The following GPHN variants were observed in gnomAD, a reference collection of about 807,000 sequenced individuals.
GPHN encodes gephyrin.
A neutral mutation model predicts 95.5 loss-of-function variants in GPHN; 17 were observed. The observed-to-expected ratio is 0.18, with a 90% CI of 0.12 to 0.27. The LOEUF is 0.27. Among genes scored for constraint, GPHN ranks in the 10% least tolerant of loss-of-function variants. The probability of loss-of-function intolerance (pLI) is 1.00; values close to 1 mark genes in which losing one functional copy is unlikely to be tolerated. For synonymous variants in GPHN, 320 were observed against 322.5 expected, an observed-to-expected ratio of 0.99 and a Z score of 0.08; for missense variants, 660 against 978.1, an observed-to-expected ratio of 0.67 and a Z score of 4.34.
At chr14:66,961,945 T>TATATATATAC (rs1555452362) in intron 8 of GPHN, among the ~76,000 whole-genome samples, 22 of 79,088 alleles carry the variant, frequency 2.8e-4, no homozygotes, top group Admixed American at 2.0e-3. Context: ...TATATATATA[T>TATATATATAC]ATACACATAT....
the GPHN span, among the ~76,000 whole-genome samples, chr14:67,451,000 G>T: frequency 1.3e-5 from 2 of 152,208 alleles, no homozygotes; most frequent in South Asian, 4.1e-4. Context: ...CTAGGGACTT[G>T]GTGCCTTATG....
intron 9 of GPHN, among the ~76,000 whole-genome samples, chr14:67,006,924 A>G (rs2072650714): frequency 6.6e-6 from 1 of 152,208 alleles, no homozygotes; most frequent in Non-Finnish European, 1.5e-5. Context: ...TTGTCTTATT[A>G]TACAATTTCA....
chr14:66,509,826 G>A (rs895634795), intron 1 of GPHN, among the ~76,000 whole-genome samples: 4 of 152,042 alleles, frequency 2.6e-5, no homozygotes, highest in Admixed American at 1.3e-4. Flanking sequence ...AATTGAATAA[G>A]ACTTGCTTTT....
chr14:67,200,351 T>C, the GPHN span: 1 of 638,570 alleles, frequency 1.6e-6, no homozygotes, highest in Non-Finnish European at 2.8e-6. Flanking sequence ...TTCCTCCTAT[T>C]ACATCTTCCC....
chr14:67,649,950 T>TC, the GPHN span: 1 of 152,262 alleles, frequency 6.6e-6, no homozygotes, highest in Non-Finnish European at 1.5e-5. Flanking sequence ...CTGGATAGGT[T>TC]CTTCTGGTTT....
chr14:66,815,847 A>G (rs567046111), intron 3 of GPHN, among the ~76,000 whole-genome samples: 1 of 152,338 alleles, frequency 6.6e-6, no homozygotes, highest in African/African-American at 2.4e-5. Flanking sequence ...TGCCCCAATT[A>G]AAAACACAGA....
the GPHN span, among the ~76,000 whole-genome samples, chr14:67,536,552 G>A: frequency 4.0e-5 from 6 of 151,798 alleles, no homozygotes; most frequent in South Asian, 6.2e-4. Context: ...CCACAAGATA[G>A]AGGCAATGAG....
chr14:67,341,324 C>T, the GPHN span, among the ~76,000 whole-genome samples: 1 of 152,042 alleles, frequency 6.6e-6, no homozygotes, highest in Non-Finnish European at 1.5e-5. Flanking sequence ...TGCCCGGCCA[C>T]CCCGTCTGAG....
At chr14:67,091,709 G>C (rs557389800) in intron 12 of GPHN, among the ~76,000 whole-genome samples, 2 of 151,870 alleles carry the variant, frequency 1.3e-5, no homozygotes, top group African/African-American at 2.4e-5. Context: ...AATGGTTGCT[G>C]TTAGCTTTTC....
chr14:67,622,225 CA>C, the GPHN span, among the ~76,000 whole-genome samples: 2 of 152,188 alleles, frequency 1.3e-5, no homozygotes, highest in Non-Finnish European at 2.9e-5. Context: ...GACATAAGTG[CA>C]AAATGTGAGG....
the GPHN span, chr14:67,572,161 G>A: frequency 1.4e-5 from 23 of 1,607,366 alleles, no homozygotes; most frequent in Non-Finnish European, 1.9e-5. Context: ...ACTGAGCTCC[G>A]AGGGTGACTA....
chr14:67,576,016 G>T, the GPHN span: 1 of 1,594,802 alleles, frequency 6.3e-7, no homozygotes, highest in African/African-American at 1.3e-5. This position sits in a 1 kb window ranked among gnomAD's most constrained non-coding sequence, Gnocchi z 4.0. Context: ...GTAAGGAAGA[G>T]GGCTGGGCCT....
At chr14:67,457,139 T>C in the GPHN span, among the ~76,000 whole-genome samples, 1 of 151,824 alleles carries the variant, frequency 6.6e-6, no homozygotes, top group Non-Finnish European at 1.5e-5. Context: ...GGGTGGAGGG[T>C]AGGAGGAGGG....
At chr14:67,148,549 C>CTTTATT (rs2081036243) in intron 18 of GPHN, among the ~76,000 whole-genome samples, 1 of 138,692 alleles carries the variant, frequency 7.2e-6, no homozygotes, top group South Asian at 2.3e-4. Context: ...AATTTTAAGA[C>CTTTATT]TTTATTTGCT....
At chr14:66,560,596 C>T (rs188633492) in intron 1 of GPHN, among the ~76,000 whole-genome samples, 160 of 152,260 alleles carry the variant, frequency 1.1e-3, no homozygotes, top group Middle Eastern at 3.4e-3. Flanking sequence ...GATTTTGTGT[C>T]CTGAGACTTT....
At chr14:67,191,103 G>A in the GPHN span, among the ~76,000 whole-genome samples, 6 of 152,108 alleles carry the variant, frequency 3.9e-5, no homozygotes, top group Admixed American at 1.3e-4. Flanking sequence ...GCATGGTGGC[G>A]GGCGCCTCTA....
chr14:66,862,939 C>T (rs1047934759), intron 4 of GPHN, among the ~76,000 whole-genome samples: 7 of 152,058 alleles, frequency 4.6e-5, no homozygotes, highest in African/African-American at 1.4e-4. Flanking sequence ...CTACTGTCAG[C>T]ACTATTATTC....
chr14:67,512,241 A>G, the GPHN span, among the ~76,000 whole-genome samples: 1 of 152,204 alleles, frequency 6.6e-6, no homozygotes, highest in East Asian at 1.9e-4. Flanking sequence ...AACCAAACCA[A>G]AAGTGCCCCC....
the GPHN span, chr14:67,332,821 G>A: frequency 6.2e-7 from 1 of 1,613,658 alleles, no homozygotes; most frequent in African/African-American, 1.3e-5. Context: ...CAAGAGAGAT[G>A]GAGCAGAACA....
Sources: gnomAD v4.1 joint callset for allele counts (sites outside exome capture counted in the v4.1 genomes callset) on GRCh38, gnomAD v4.1.1 for gene constraint, Gnocchi (gnomAD v3.1) non-coding constraint, MANE v1.5 for transcripts, NCBI Gene and HGNC (gene_info 2026-07-23, HGNC 2026-07-21) for gene names.